Variants in VGLL4 observed in about 807,000 individuals in gnomAD.
VGLL4 encodes transcription cofactor vestigial-like protein 4.
In VGLL4, 7 loss-of-function variants were observed where a neutral mutation model predicts 21.0. The ratio of observed to expected loss-of-function variants is 0.33; its 90% CI spans 0.19 to 0.63. VGLL4 has a LOEUF of 0.63. Ranked by LOEUF, VGLL4 falls within the 20% of genes least tolerant of loss-of-function variation. The pLI is 0.78. For missense variants in VGLL4, 394 were observed against 425.7 expected (o/e 0.93, Z 0.66); for synonymous variants, 222 against 173.2 (o/e 1.28, Z -2.21).
chr3:11,643,239 G>T (rs1034926905), intron 1 of VGLL4, among the ~76,000 whole-genome samples, 198 bp downstream of exon 1: 1 of 152,096 alleles, frequency 6.6e-6, no homozygotes, highest in Non-Finnish European at 1.5e-5. Flanking sequence ...CTGCCTCCCC[G>T]TCCAGCCCCC....
At chr3:11,671,486 A>G in intron 2 of VGLL4, 1 of 665,724 alleles carries the variant, frequency 1.5e-6, no homozygotes, top group Non-Finnish European at 2.8e-6. Flanking sequence ...CAGGTGTACA[A>G]AAATCCATGC....
At chr3:11,626,875 T>C (rs1368771568) in intron 1 of VGLL4, among the ~76,000 whole-genome samples, 1 of 142,492 alleles carries the variant, frequency 7.0e-6, no homozygotes, top group African/African-American at 2.7e-5. Flanking sequence ...TACAGAGAAG[T>C]GCTAATGGTG....
At chr3:11,638,807 A>C (rs1386751867) in intron 1 of VGLL4, among the ~76,000 whole-genome samples, 2 of 151,984 alleles carry the variant, frequency 1.3e-5, no homozygotes, top group Non-Finnish European at 2.9e-5. Flanking sequence ...TGAAGCCAGG[A>C]CTCCACTCAA....
intron 1 of VGLL4, chr3:11,633,637 T>G (rs566690070): frequency 6.6e-6 from 1 of 152,056 alleles, no homozygotes; most frequent in African/African-American, 2.4e-5. Flanking sequence ...ACCACTGCAC[T>G]CCAGCCTGGC....
intron 1 of VGLL4, among the ~76,000 whole-genome samples, chr3:11,636,674 T>C (rs925985906): frequency 1.5e-4 from 23 of 152,212 alleles, no homozygotes; most frequent in Non-Finnish European, 5.9e-5. Flanking sequence ...AAGTAAGCTA[T>C]GTATCTCCGG....
intron 1 of VGLL4, among the ~76,000 whole-genome samples, chr3:11,709,682 A>C (rs1358540616): frequency 6.6e-6 from 1 of 152,066 alleles, no homozygotes; most frequent in African/African-American, 2.4e-5. Flanking sequence ...TGTTCTTCCA[A>C]ATAACTAAAG....
intron 2 of VGLL4, among the ~76,000 whole-genome samples, chr3:11,684,169 C>T (rs2076413139): frequency 6.6e-6 from 1 of 152,080 alleles, no homozygotes; most frequent in Non-Finnish European, 1.5e-5. Flanking sequence ...TGAAATCACA[C>T]CACTGCACTC....
rs1269873773 is a variant in VGLL4 at position 11,719,880 on chromosome 3, C to T, written c.-14+514G>A. Among the ~76,000 whole-genome samples the T allele has an allele frequency of 6.6e-6, 1 of 151,988 alleles. No homozygotes were observed. The highest frequency in any genetic ancestry group is 2.4e-5 in the African/African-American group (1 of 41,420). ...GGGCAGTGAGGTTTGTCGGGGCGGG[C>T]GCTCCCGAGAGGCGCCAGCGGGCAG... is the stretch of plus-strand genomic sequence containing the variant. On this transcript the variant is annotated intron_variant, in intron 1 of 5. Transcript: ENST00000273038. The surrounding 1 kb of genome is among the most constrained non-coding windows in gnomAD (Gnocchi z 4.0).
At chr3:11,582,441 G>A in intron 2 of VGLL4, 1 of 1,444,094 alleles carries the variant, frequency 6.9e-7, no homozygotes, top group Non-Finnish European at 9.3e-7. Flanking sequence ...AGGGTTGCGA[G>A]GTAAGGGGCC....
At chr3:11,620,403 T>C (rs1220594520) in intron 1 of VGLL4, among the ~76,000 whole-genome samples, 1 of 152,098 alleles carries the variant, frequency 6.6e-6, no homozygotes, top group Admixed American at 6.6e-5. Context: ...ACAGCACCCC[T>C]GAGCCAGCAG....
intron 2 of VGLL4, among the ~76,000 whole-genome samples, chr3:11,686,953 T>C (rs1052106014): frequency 3.3e-5 from 5 of 152,194 alleles, no homozygotes; most frequent in African/African-American, 1.2e-4. Flanking sequence ...TATTAACCCA[T>C]GAAATTTGTT....
At chr3:11,628,326 T>G (rs1334955346) in intron 1 of VGLL4, among the ~76,000 whole-genome samples, 1 of 151,374 alleles carries the variant, frequency 6.6e-6, no homozygotes, top group African/African-American at 2.4e-5. Flanking sequence ...AGGCAGAGGT[T>G]GCGGTAAACC....
chr3:11,564,551 G>C (rs1170546733), intron 3 of VGLL4, among the ~76,000 whole-genome samples: 3 of 152,192 alleles, frequency 2.0e-5, no homozygotes, highest in Admixed American at 2.0e-4. Context: ...GCCCAAGGCC[G>C]TGAGTGCTAA....
chr3:11,623,749 C>CCTT (rs200636430), intron 1 of VGLL4, among the ~76,000 whole-genome samples: 73 of 123,708 alleles, frequency 5.9e-4, no homozygotes, highest in South Asian at 1.1e-3. Flanking sequence ...TGAAAATTTT[C>CCTT]TTTTTTTTTT....
intron 1 of VGLL4, among the ~76,000 whole-genome samples, chr3:11,604,114 G>A (rs933871902): frequency 6.6e-6 from 1 of 152,144 alleles, no homozygotes; most frequent in African/African-American, 2.4e-5. Context: ...TGGGACCAGG[G>A]CTGGGGCTAC....
intron 2 of VGLL4, among the ~76,000 whole-genome samples, chr3:11,657,550 G>A (rs1417234867): frequency 6.6e-6 from 1 of 152,062 alleles, no homozygotes; most frequent in Admixed American, 6.5e-5. Flanking sequence ...CTAACCCAAA[G>A]TTCTCTGTGT....
chr3:11,681,923 C>T lies in VGLL4; in HGVS notation c.64+21048G>A, dbSNP rs141233624. Among the ~76,000 whole-genome samples the T allele has an allele frequency of 3.9e-5, 6 of 152,284 alleles. No homozygotes were observed. In the East Asian group the frequency reaches 1.2e-3, roughly 29 times the overall value. On this transcript the variant is annotated intron_variant, in intron 2 of 5. Coordinates refer to the VGLL4 transcript ENST00000273038. ...ACATGACAAAGGCCGGGTGTGGCCA[C>T]ATCTCCAAGGCATAAAGACAAAGTG...
rs868824790 is a variant in VGLL4, at chr3:11,700,856, C to T, written c.64+2115G>A. 9.2e-5 allele frequency among the ~76,000 whole-genome samples: 14 copies of T among 152,314 alleles called. 1 individual carries two copies. The Middle Eastern group carries it at 0.01, about 111-fold the overall frequency. ...AGCTGCCTCTCCCGAGCTCCAATTC[C>T]TCAGATTCCCATTTAACATCCTTGA... On this transcript the variant is annotated intron_variant, in intron 2 of 5. Transcript: ENST00000273038.
At chr3:11,658,500 T>G (rs2075987949) in intron 2 of VGLL4, among the ~76,000 whole-genome samples, 1 of 151,794 alleles carries the variant, frequency 6.6e-6, no homozygotes, top group Non-Finnish European at 1.5e-5. Context: ...ACACAGGGCC[T>G]GACACCTTCC....
Sources: gnomAD v4.1 joint callset for allele counts (sites outside exome capture counted in the v4.1 genomes callset) on GRCh38, gnomAD v4.1.1 for gene constraint, Gnocchi (gnomAD v3.1) non-coding constraint, MANE v1.5 for transcripts, NCBI Gene and HGNC (gene_info 2026-07-23, HGNC 2026-07-21) for gene names.